NAALADL2: variants seen among roughly 807,000 people sequenced by gnomAD.
The protein encoded by NAALADL2 is inactive N-acetylated-alpha-linked acidic dipeptidase-like protein 2.
A neutral mutation model predicts 87.2 loss-of-function variants in NAALADL2; 76 were observed. The observed-to-expected ratio is 0.87, with a 90% confidence interval of 0.72 to 1.05. NAALADL2 has a LOEUF of 1.05. Among genes scored for constraint, NAALADL2 ranks in the 50% least tolerant of loss-of-function variants. The probability of loss-of-function intolerance (pLI) is 0.00; values close to 1 mark genes in which losing one functional copy is unlikely to be tolerated. For synonymous variants in NAALADL2, 354 were observed against 331.0 expected (o/e 1.07, Z -0.75); for missense variants, 1,089 against 945.8 (o/e 1.15, Z -1.99).
intron 2 of NAALADL2, among the ~76,000 whole-genome samples, chr3:174,586,607 G>T (rs566479812): frequency 1.3e-5 from 2 of 152,122 alleles, no homozygotes; most frequent in Non-Finnish European, 2.9e-5. Flanking sequence ...ACATCCTCCC[G>T]CATCAGCCTC....
intron 5 of NAALADL2, among the ~76,000 whole-genome samples, chr3:175,375,116 C>A (rs1039061002): frequency 6.6e-6 from 1 of 152,050 alleles, no homozygotes; most frequent in African/African-American, 2.4e-5. Flanking sequence ...CTACTGGACT[C>A]TCTATTCTGT....
At chr3:174,953,854 CA>C (rs1284275414) in intron 1 of NAALADL2, among the ~76,000 whole-genome samples, 7 of 151,374 alleles carry the variant, frequency 4.6e-5, no homozygotes, top group Admixed American at 3.9e-4. Flanking sequence ...TTTTTTTTCT[CA>C]TCTAAAACCA....
chr3:175,787,486 C>A (rs1000216702), intron 13 of NAALADL2, among the ~76,000 whole-genome samples: 1 of 152,182 alleles, frequency 6.6e-6, no homozygotes, highest in Non-Finnish European at 1.5e-5. Context: ...CAGGTGCGTC[C>A]GTCACCCCTT....
At chr3:174,742,567 G>A (rs1000125840) in intron 3 of NAALADL2, among the ~76,000 whole-genome samples, 13 of 151,340 alleles carry the variant, frequency 8.6e-5, no homozygotes, top group Non-Finnish European at 1.8e-4. Flanking sequence ...ACAAAAAAGA[G>A]TATTTATTGA....
intron 2 of NAALADL2, among the ~76,000 whole-genome samples, chr3:174,587,511 T>C (rs373054218): frequency 1.3e-5 from 2 of 152,204 alleles, no homozygotes. Context: ...CAGTGGCTGG[T>C]ACCTGTTGTT....
intron 2 of NAALADL2, among the ~76,000 whole-genome samples, chr3:174,683,854 CTA>C (rs1475470374): frequency 6.6e-6 from 1 of 151,946 alleles, no homozygotes; most frequent in African/African-American, 2.4e-5. Flanking sequence ...AAATGAGAAT[CTA>C]TTTTTTCAGA....
intron 3 of NAALADL2, among the ~76,000 whole-genome samples, chr3:174,786,788 G>A (rs73174747): frequency 0.15 from 22,834 of 152,016 alleles, 1,925 homozygotes; most frequent in African/African-American, 0.18. Context: ...TATGCCCTGT[G>A]ATAGTAATAA....
At chr3:174,916,461 A>G (rs143638321) in intron 1 of NAALADL2, among the ~76,000 whole-genome samples, 469 of 152,268 alleles carry the variant, frequency 3.1e-3, no homozygotes, top group African/African-American at 0.011. Flanking sequence ...ATAGGGAACC[A>G]ATCTAAATGC....
chr3:175,751,861 G>A (rs1746664583), intron 12 of NAALADL2, among the ~76,000 whole-genome samples: 3 of 151,664 alleles, frequency 2.0e-5, no homozygotes, highest in Admixed American at 2.0e-4. Flanking sequence ...AGTTTTTATG[G>A]GGTTTTTGTA....
chr3:175,725,913 A>G (rs1742857728), intron 11 of NAALADL2, among the ~76,000 whole-genome samples: 1 of 152,186 alleles, frequency 6.6e-6, no homozygotes. Context: ...CATGTTAAAG[A>G]TAGTTATTAG....
chr3:175,662,730 A>G (rs1395751516), intron 11 of NAALADL2, among the ~76,000 whole-genome samples: 3 of 151,934 alleles, frequency 2.0e-5, no homozygotes, highest in Admixed American at 6.6e-5. Context: ...CAAATGCTTT[A>G]TCAGCATCTA....
intron 10 of NAALADL2, among the ~76,000 whole-genome samples, chr3:175,602,127 T>C (rs1479261239): frequency 1.3e-5 from 2 of 151,810 alleles, no homozygotes; most frequent in African/African-American, 4.8e-5. Flanking sequence ...CTTCAAAAAG[T>C]GTGAATTTGA....
intron 2 of NAALADL2, among the ~76,000 whole-genome samples, chr3:175,164,775 G>T (rs370976364): frequency 7.9e-5 from 12 of 152,216 alleles, no homozygotes; most frequent in African/African-American, 2.9e-4. Context: ...AGATTTGGGG[G>T]CATCCCTCAG....
At chr3:174,930,745 C>T (rs953476344) in intron 1 of NAALADL2, among the ~76,000 whole-genome samples, 73 of 150,802 alleles carry the variant, frequency 4.8e-4, no homozygotes, top group African/African-American at 1.8e-3. Flanking sequence ...CCTCAGCCTC[C>T]CAAATAGCTG....
intron 11 of NAALADL2, among the ~76,000 whole-genome samples, chr3:175,735,735 C>T (rs1744409369): frequency 6.6e-6 from 1 of 152,126 alleles, no homozygotes; most frequent in South Asian, 2.1e-4. Flanking sequence ...CCAGGTCCCT[C>T]CCATAACACA....
chr3:175,110,996 C>T (rs539406724), intron 2 of NAALADL2, among the ~76,000 whole-genome samples: 8 of 151,722 alleles, frequency 5.3e-5, no homozygotes, highest in Non-Finnish European at 8.9e-5. Flanking sequence ...CACAACATTA[C>T]TCTAGTGTCT....
chr3:175,664,151 C>T (rs982688694), intron 11 of NAALADL2, among the ~76,000 whole-genome samples: 4 of 152,138 alleles, frequency 2.6e-5, no homozygotes, highest in Middle Eastern at 3.4e-3. Context: ...TTCTCCTAAA[C>T]GCTCATGCTC....
At chr3:175,721,701 T>C (rs74327940) in intron 11 of NAALADL2, among the ~76,000 whole-genome samples, 3,173 of 152,124 alleles carry the variant, frequency 0.021, 111 homozygotes, top group African/African-American at 0.072. Context: ...CAATGTAAAA[T>C]CATTAATACA....
At chr3:175,517,999 T>A (rs1038689751) in intron 9 of NAALADL2, among the ~76,000 whole-genome samples, 1 of 152,186 alleles carries the variant, frequency 6.6e-6, no homozygotes, top group Non-Finnish European at 1.5e-5. Context: ...GTCTGCTTTT[T>A]GCTGTACGCG....
Sources: gnomAD v4.1 joint callset for allele counts (sites outside exome capture counted in the v4.1 genomes callset) on GRCh38, gnomAD v4.1.1 for gene constraint, MANE v1.5 for transcripts, NCBI Gene and HGNC (gene_info 2026-07-23, HGNC 2026-07-21) for gene names.